Variants in ACVR1C observed in about 807,000 individuals in gnomAD.
The protein encoded by ACVR1C is activin receptor type-1C.
Under a neutral mutation model 57.9 loss-of-function variants are expected in ACVR1C, and 23 were observed. The ratio of observed to expected loss-of-function variants is 0.40; its 90% CI spans 0.29 to 0.56. ACVR1C has a LOEUF of 0.56. ACVR1C is among the 20% of genes least tolerant of loss of function. The pLI is 0.50. For missense variants in ACVR1C, 480 were observed against 607.9 expected (o/e 0.79, Z 2.21); for synonymous variants, 214 against 215.3 (o/e 0.99, Z 0.05).
At chr2:157,537,051 T>C (rs569719015) in intron 8 of ACVR1C, among the ~76,000 whole-genome samples, 32 of 152,274 alleles carry the variant, frequency 2.1e-4, no homozygotes, top group African/African-American at 7.5e-4. Flanking sequence ...GGACAGATTA[T>C]AGCTACACAT....
At chr2:157,597,572 G>A (rs891407662) in intron 1 of ACVR1C, 7 of 985,426 alleles carry the variant, frequency 7.1e-6, no homozygotes, top group African/African-American at 1.7e-5. Flanking sequence ...CCCAGGAGAC[G>A]TTCTCCGACG....
At chr2:157,628,046 CCT>C (rs1179326048) in intron 1 of ACVR1C, among the ~76,000 whole-genome samples, 1 of 152,210 alleles carries the variant, frequency 6.6e-6, no homozygotes, top group East Asian at 1.9e-4. Context: ...CCCACTCTCG[CCT>C]CCATAGCTTG....
intron 8 of ACVR1C, among the ~76,000 whole-genome samples, chr2:157,535,122 G>A (rs1472145828): frequency 1.4e-5 from 2 of 145,694 alleles, no homozygotes; most frequent in African/African-American, 5.2e-5. Context: ...TCTAGCCTGG[G>A]TGACAGTGCA....
At position 157,541,121 on chromosome 2, in the gene ACVR1C, G is replaced by A. The variant is rs988573994; in HGVS notation, c.1194C>T (p.Tyr398=). Residue 398 remains tyrosine, a synonymous_variant, in exon 7 of 9, where the codon TAC becomes TAT. Coordinates refer to ENST00000243349, the MANE Select transcript of ACVR1C (RefSeq NM_145259.3). Reference sequence around the variant, plus strand: ...CTGAACACCTCCGGGCTATTTCCCAGTAAACCAGACCAACAGAATAGATGT... The same window carrying A: ...CTGAACACCTCCGGGCTATTTCCCAATAAACCAGACCAACAGAATAGATGT... ...RADIYSVGLV[Y]WEIARRCSVG... is the part of the protein sequence containing the mutation. 6.2e-7 allele frequency: 1 copy of A among 1,614,008 alleles called. No homozygotes were observed. Among genetic ancestry groups the A allele is most frequent in the African/African-American group, 1.3e-5 (1 of 75,028 alleles).
chr2:157,595,636 A>G (rs1435615190), intron 1 of ACVR1C, among the ~76,000 whole-genome samples: 1 of 152,156 alleles, frequency 6.6e-6, no homozygotes, highest in Non-Finnish European at 1.5e-5. Context: ...AATGGATTCC[A>G]ATTACATTTA....
At chr2:157,548,798 G>A (rs908232592) in intron 4 of ACVR1C, among the ~76,000 whole-genome samples, 5 of 152,126 alleles carry the variant, frequency 3.3e-5, no homozygotes, top group African/African-American at 4.8e-5. Flanking sequence ...ACTTGGCACC[G>A]TTAATGGTGG....
chr2:157,591,916 G>A (rs1689060736), intron 1 of ACVR1C, among the ~76,000 whole-genome samples: 1 of 151,978 alleles, frequency 6.6e-6, no homozygotes, highest in African/African-American at 2.4e-5. Flanking sequence ...TCAAGCAATG[G>A]TACCTTTCAT....
chr2:157,596,336 G>T (rs1185911019), intron 1 of ACVR1C, among the ~76,000 whole-genome samples: 1 of 151,968 alleles, frequency 6.6e-6, no homozygotes. Context: ...TTTGGGGGGT[G>T]GGGGGCAGAA....
chr2:157,538,427 G>A, intron 8 of ACVR1C, 146 bp downstream of exon 8: 1 of 722,338 alleles, frequency 1.4e-6, no homozygotes. Flanking sequence ...GCACTAAAGG[G>A]GAAAAAATCC....
rs577056742 is a variant in ACVR1C, at chr2:157,529,191, G to A, written c.*4727C>T. ...GAGAAAGAACAGTCCTTACAGAAAGGGTGGGGGATGTCAGGAAGCTTCTCT... is the reference window on the plus strand; with the variant it reads ...GAGAAAGAACAGTCCTTACAGAAAGAGTGGGGGATGTCAGGAAGCTTCTCT... On this transcript the variant is annotated 3_prime_UTR_variant, in exon 9 of 9. Transcript: ENST00000243349. 6.6e-6 allele frequency: 1 copy of A among 152,176 alleles called. No individual in the cohort carries two copies. Among genetic ancestry groups the A allele is most frequent in the East Asian group, 1.9e-4 (1 of 5,186 alleles). The allele number at this position is 152,176 out of a possible 1,614,324, so 9.4% of individuals were successfully genotyped here.
intron 2 of ACVR1C, among the ~76,000 whole-genome samples, chr2:157,566,415 A>G (rs1688380382): frequency 6.6e-6 from 1 of 152,230 alleles, no homozygotes; most frequent in African/African-American, 2.4e-5. Context: ...AGCGACGCAG[A>G]AGACGGGTGA....
intron 1 of ACVR1C, among the ~76,000 whole-genome samples, chr2:157,609,750 C>G (rs1246147442): frequency 2.0e-5 from 3 of 151,950 alleles, no homozygotes; most frequent in Non-Finnish European, 4.4e-5. Context: ...CTTCAAGTCT[C>G]TATTATCTGA....
chr2:157,546,037 C>A (rs1305694597), intron 4 of ACVR1C, among the ~76,000 whole-genome samples: 1 of 152,194 alleles, frequency 6.6e-6, no homozygotes, highest in African/African-American at 2.4e-5. Context: ...CCACCTTGGC[C>A]TCCCGAAGTG....
intron 3 of ACVR1C, among the ~76,000 whole-genome samples, chr2:157,554,196 G>GAAGAGAGAAAGAAAGA (rs1386730565): frequency 5.1e-4 from 10 of 19,610 alleles, no homozygotes; most frequent in Admixed American, 8.2e-4. Flanking sequence ...AAAAAATAAA[G>GAAGAGAGAAAGAAAGA]AAGAGAGAAA....
intron 2 of ACVR1C, among the ~76,000 whole-genome samples, chr2:157,575,885 A>G (rs1573930863): frequency 6.6e-6 from 1 of 152,306 alleles, no homozygotes; most frequent in African/African-American, 2.4e-5. Context: ...GGAAGAGTTA[A>G]AGAATGTCCT....
intron 1 of ACVR1C, among the ~76,000 whole-genome samples, chr2:157,618,542 T>C (rs1682701624): frequency 6.6e-6 from 1 of 151,720 alleles, no homozygotes; most frequent in African/African-American, 2.4e-5. Flanking sequence ...ATATGCTCTC[T>C]CTATAAGAAA....
In ACVR1C at chr2:157,556,651, A is replaced by G. The variant is rs1463272136; in HGVS notation, c.305-319T>C. ...TACTATTTTCCCTCCATTATTCAGC[A>G]GTACACTTTTTTTTTTTTTTTTTTT... On this transcript the variant is annotated intron_variant, in intron 2 of 8. Transcript: ENST00000243349. Among the ~76,000 whole-genome samples the G allele has an allele frequency of 4.1e-5, 6 of 147,382 alleles. No homozygotes were observed. In the East Asian group the frequency reaches 1.2e-3, roughly 29 times the overall value.
chr2:157,553,977 G>A (rs762949327), intron 3 of ACVR1C, among the ~76,000 whole-genome samples: 3 of 151,758 alleles, frequency 2.0e-5, no homozygotes, highest in Non-Finnish European at 4.4e-5. Flanking sequence ...GAGTTCAGGA[G>A]TTTGAGACCA....
chr2:157,573,573 C>T lies in ACVR1C; in HGVS notation c.304+13614G>A, dbSNP rs573833272. Among the ~76,000 whole-genome samples the T allele has an allele frequency of 2.4e-4, 37 of 151,800 alleles. 2 individuals are homozygous for T. The South Asian group carries it at 4.8e-3, about 20-fold the overall frequency. On this transcript the variant is annotated intron_variant, in intron 2 of 8. Transcript: ENST00000243349. The stretch of plus-strand genomic sequence containing the variant: ...TTTTTTCTGTTGAATAGTCTATTTC[C>T]ATATGAAGGGCTGTAATTAGTGCAA...
Sources: allele counts gnomAD v4.1 joint callset (sites outside exome capture counted in the v4.1 genomes callset), GRCh38; gene constraint gnomAD v4.1.1; transcripts MANE v1.5; gene names NCBI Gene and HGNC (gene_info 2026-07-23, HGNC 2026-07-21).